The following SKAP1 variants were observed in gnomAD, a reference collection of about 807,000 sequenced individuals.
SKAP1 encodes src kinase-associated phosphoprotein 1.
SKAP1 carries 44 observed loss-of-function variants against 58.5 expected under a neutral mutation model. That is an observed-to-expected ratio of 0.75 (90% CI 0.59 to 0.97). SKAP1 has a LOEUF of 0.97. SKAP1 is among the 50% of genes least tolerant of loss of function. The pLI, the probability that SKAP1 is intolerant of heterozygous loss-of-function variation, is 0.00. For synonymous variants in SKAP1, 127 were observed against 149.7 expected (o/e 0.85, Z 1.11); for missense variants, 390 against 435.2 (o/e 0.90, Z 0.92).
At chr17:48,273,086 T>C (rs1025492621) in intron 4 of SKAP1, among the ~76,000 whole-genome samples, 9 of 152,324 alleles carry the variant, frequency 5.9e-5, no homozygotes, top group African/African-American at 2.2e-4. Flanking sequence ...ATGGAGCTTC[T>C]CTATGTAAAG....
chr17:48,409,153 C>G (rs866737357), intron 1 of SKAP1, among the ~76,000 whole-genome samples: 5 of 152,182 alleles, frequency 3.3e-5, no homozygotes, highest in African/African-American at 9.7e-5. Context: ...GCAAGTGGTG[C>G]AACCAAGATA....
intron 1 of SKAP1, among the ~76,000 whole-genome samples, chr17:48,422,346 C>T (rs1244012460): frequency 6.6e-6 from 1 of 152,096 alleles, no homozygotes; most frequent in Non-Finnish European, 1.5e-5. Context: ...AAGAGGTCAG[C>T]TGGATAACTC....
intron 11 of SKAP1, among the ~76,000 whole-genome samples, chr17:48,146,596 G>T (rs568638848): frequency 6.6e-6 from 1 of 151,828 alleles, no homozygotes; most frequent in East Asian, 1.9e-4. Context: ...CTCCTCAAAG[G>T]TCGACTGCTC....
At chr17:48,257,633 T>TC (rs1269181257) in intron 4 of SKAP1, among the ~76,000 whole-genome samples, 1 of 122,186 alleles carries the variant, frequency 8.2e-6, no homozygotes, top group African/African-American at 3.6e-5. Flanking sequence ...TCTTTCTTTT[T>TC]TTTTTTTTTT....
At chr17:48,404,321 A>G (rs1343084621) in intron 1 of SKAP1, among the ~76,000 whole-genome samples, 2 of 151,110 alleles carry the variant, frequency 1.3e-5, no homozygotes, top group African/African-American at 4.9e-5. Flanking sequence ...GCGTAGTGGC[A>G]CATGCCTGTA....
intron 1 of SKAP1, 142 bp from the exon 2 acceptor site, chr17:48,396,927 TA>T (rs35139298): frequency 0.25 from 89,041 of 351,720 alleles, 7,266 homozygotes; most frequent in African/African-American, 0.38. Flanking sequence ...TAAAGTATAA[TA>T]AAAAAAAAAA....
At chr17:48,227,392 C>A (rs1043862594) in intron 4 of SKAP1, among the ~76,000 whole-genome samples, 1 of 152,208 alleles carries the variant, frequency 6.6e-6, no homozygotes, top group Admixed American at 6.5e-5. Flanking sequence ...GGCTCCTTCT[C>A]TGTCCTAAGA....
At chr17:48,278,077 A>G (rs1450154595) in intron 4 of SKAP1, among the ~76,000 whole-genome samples, 1 of 151,952 alleles carries the variant, frequency 6.6e-6, no homozygotes, top group Non-Finnish European at 1.5e-5. Flanking sequence ...TTACACACAA[A>G]CACATATTCC....
At chr17:48,241,187 G>T (rs1368471330) in intron 4 of SKAP1, among the ~76,000 whole-genome samples, 1 of 152,084 alleles carries the variant, frequency 6.6e-6, no homozygotes, top group Admixed American at 6.5e-5. Flanking sequence ...CTAGCCTCTA[G>T]CAATGCTGGA....
intron 4 of SKAP1, among the ~76,000 whole-genome samples, chr17:48,274,154 C>A (rs1390710869): frequency 1.3e-5 from 2 of 152,034 alleles, no homozygotes; most frequent in African/African-American, 4.8e-5. Flanking sequence ...TTCAGGAGGC[C>A]GAGGTGAGCA....
chr17:48,349,437 C>T (rs906260126), intron 3 of SKAP1, among the ~76,000 whole-genome samples: 2 of 152,230 alleles, frequency 1.3e-5, no homozygotes, highest in Admixed American at 1.3e-4. Context: ...CATTTTCCCA[C>T]TGCAACTCCC....
chr17:48,137,159 A>G, intron 12 of SKAP1, 70 bp downstream of exon 12: 2 of 939,340 alleles, frequency 2.1e-6, no homozygotes, highest in Non-Finnish European at 3.4e-6. Flanking sequence ...CTCATCTTTC[A>G]GAGAAACAAA....
At chr17:48,153,097 T>C (rs901863848) in intron 11 of SKAP1, among the ~76,000 whole-genome samples, 1 of 152,032 alleles carries the variant, frequency 6.6e-6, no homozygotes, top group African/African-American at 2.4e-5. Flanking sequence ...CCAGGACAAC[T>C]GTTTAGGAAT....
intron 4 of SKAP1, among the ~76,000 whole-genome samples, chr17:48,286,493 T>C (rs2065831609): frequency 6.6e-6 from 1 of 152,256 alleles, no homozygotes; most frequent in African/African-American, 2.4e-5. Context: ...CAATTTTCTA[T>C]AATATTGCCA....
intron 4 of SKAP1, among the ~76,000 whole-genome samples, chr17:48,207,125 G>A (rs1372329817): frequency 2.0e-5 from 3 of 152,254 alleles, no homozygotes; most frequent in South Asian, 2.1e-4. Context: ...ATGAAGGTAC[G>A]TGGCAAAGGA....
In SKAP1 at chr17:48,293,046, A is replaced by G. The variant is rs989398069; in HGVS notation, c.280+52859T>C. On this transcript the variant is annotated intron_variant, in intron 4 of 12. Transcript: ENST00000336915. ...GTCGTAAAACTTAATTAAAGGCTCAAACTTAAGAAAGACACATTCATAAAA... is the reference window on the plus strand; with the variant it reads ...GTCGTAAAACTTAATTAAAGGCTCAGACTTAAGAAAGACACATTCATAAAA... 4.6e-5 allele frequency among the ~76,000 whole-genome samples: 7 copies of G among 152,178 alleles called. No individual in the cohort carries two copies. The South Asian group carries it at 6.2e-4, about 13-fold the overall frequency.
intron 11 of SKAP1, among the ~76,000 whole-genome samples, chr17:48,158,353 T>C (rs1200504184): frequency 3.3e-5 from 5 of 149,352 alleles, no homozygotes; most frequent in Admixed American, 6.7e-5. Context: ...CAGACCATTC[T>C]GGCTAACACA....
At chr17:48,371,836 C>CAA (rs1440793501) in intron 2 of SKAP1, among the ~76,000 whole-genome samples, 3 of 119,296 alleles carry the variant, frequency 2.5e-5, no homozygotes, top group African/African-American at 9.2e-5. Flanking sequence ...GACCCTGTCT[C>CAA]AAAAAAAAAA....
At chr17:48,158,577 A>AAAAAAAG (rs993997779) in intron 11 of SKAP1, among the ~76,000 whole-genome samples, 4 of 149,266 alleles carry the variant, frequency 2.7e-5, no homozygotes, top group Non-Finnish European at 5.9e-5. Flanking sequence ...CAAAAAAAAA[A>AAAAAAAG]AAAAAAAGAA....
Sources: allele counts gnomAD v4.1 joint callset (sites outside exome capture counted in the v4.1 genomes callset), GRCh38; gene constraint gnomAD v4.1.1; transcripts MANE v1.5; gene names NCBI Gene and HGNC (gene_info 2026-07-23, HGNC 2026-07-21).